Variants in ZFAND3 observed in about 807,000 individuals in gnomAD.
ZFAND3 encodes AN1-type zinc finger protein 3.
In ZFAND3, 10 loss-of-function variants were observed where a neutral mutation model predicts 29.6. The observed-to-expected ratio is 0.34, with a 90% CI of 0.21 to 0.57. The LOEUF (loss-of-function observed/expected upper bound fraction) is 0.57, where lower values mean the gene tolerates loss of function less well. Among genes scored for constraint, ZFAND3 ranks in the 20% least tolerant of loss-of-function variants. The pLI is 0.86. For synonymous variants in ZFAND3, 128 were observed against 112.6 expected, an observed-to-expected ratio of 1.14 and a Z score of -0.87; for missense variants, 230 against 304.5, an observed-to-expected ratio of 0.76 and a Z score of 1.82.
chr6:37,918,090 T>G (rs2127407706), intron 1 of ZFAND3, among the ~76,000 whole-genome samples: 2 of 152,312 alleles, frequency 1.3e-5, no homozygotes, highest in South Asian at 2.1e-4. Context: ...TGTTTTTGTT[T>G]TTTTGATATG....
chr6:38,082,509 A>G, intron 4 of ZFAND3, 52 bp downstream of exon 4: 1 of 1,557,736 alleles, frequency 6.4e-7, no homozygotes, highest in Non-Finnish European at 8.8e-7. Context: ...TCTTCACAGA[A>G]GTTAGCAACT....
Position 38,041,631 on chromosome 6 carries a change from T to TTTCTTCTTC in ZFAND3, c.113-19915_113-19907dup, listed in dbSNP as rs1193585476. On this transcript the variant is annotated intron_variant, in intron 2 of 5. Transcript: ENST00000287218. Reference sequence around the variant, plus strand: ...GTCACCACTGTTTTTTTATCTACTTTTTCTTCTTCTTCTTCTTCTTCTTCT... The same window carrying TTTCTTCTTC: ...GTCACCACTGTTTTTTTATCTACTTTTTCTTCTTCTTCTTCTTCTTCTTCTTCTTCTTCT... Among the ~76,000 whole-genome samples the TTTCTTCTTC allele has an allele frequency of 2.4e-3, 135 of 56,224 alleles. 20 individuals are homozygous for TTTCTTCTTC. The highest frequency in any genetic ancestry group is 3.9e-3 in the Non-Finnish European group (85 of 21,586). 36.9% of individuals were successfully genotyped at this position (56,224 alleles called of 152,430 possible).
chr6:38,112,713 A>G (rs1365382302), intron 4 of ZFAND3, among the ~76,000 whole-genome samples: 1 of 152,168 alleles, frequency 6.6e-6, no homozygotes, highest in Non-Finnish European at 1.5e-5. Flanking sequence ...AAACTTACAA[A>G]TGAATAGTTG....
intron 4 of ZFAND3, 124 bp downstream of exon 4, chr6:38,082,581 T>C (rs1214553577): frequency 1.2e-6 from 1 of 855,446 alleles, no homozygotes; most frequent in Non-Finnish European, 1.8e-6. Flanking sequence ...TGAGGTGATA[T>C]GTGCTTAGTA....
At chr6:37,835,762 A>G (rs1763956498) in intron 1 of ZFAND3, among the ~76,000 whole-genome samples, 1 of 152,110 alleles carries the variant, frequency 6.6e-6, no homozygotes, top group African/African-American at 2.4e-5. Context: ...TAACACAAAT[A>G]GCATACGACA....
intron 2 of ZFAND3, among the ~76,000 whole-genome samples, chr6:37,941,285 A>G (rs564989787): frequency 6.6e-6 from 1 of 152,230 alleles, no homozygotes; most frequent in South Asian, 2.1e-4. Flanking sequence ...AGCTAAATAG[A>G]TTAGTCGGGA....
At chr6:38,111,495 C>T (rs1469039004) in intron 4 of ZFAND3, among the ~76,000 whole-genome samples, 1 of 152,194 alleles carries the variant, frequency 6.6e-6, no homozygotes, top group African/African-American at 2.4e-5. Context: ...CCTTCTGCCT[C>T]TGCCATCCCA....
intron 1 of ZFAND3, among the ~76,000 whole-genome samples, chr6:37,914,662 C>CTTTTTTTTTATT (rs1327923079): frequency 1.6e-5 from 1 of 62,520 alleles, no homozygotes; most frequent in Non-Finnish European, 3.6e-5. Flanking sequence ...TTCTTTCTTT[C>CTTTTTTTTTATT]TTTTTTTTTC....
rs543141233 is a variant in ZFAND3 at position 38,075,471 on chromosome 6, C to T, written c.296-6921C>T. Among the ~76,000 whole-genome samples, 10 of 152,280 alleles carry T rather than the reference C, an allele frequency of 6.6e-5. No homozygotes were observed. The East Asian group carries it at 1.7e-3, about 26-fold the overall frequency. ...CCTGATGAGGTGACTGAATTGCAAT[C>T]TCATTATAAAACTTTAATGGATGAG... On this transcript the variant is annotated intron_variant, in intron 3 of 5. Coordinates refer to ENST00000287218, the MANE Select transcript of ZFAND3 (RefSeq NM_021943.3).
intron 1 of ZFAND3, among the ~76,000 whole-genome samples, chr6:37,905,420 T>C (rs1196396473): frequency 7.9e-5 from 12 of 152,132 alleles, no homozygotes; most frequent in Admixed American, 7.9e-4. Flanking sequence ...ACTTTGAAAT[T>C]TGGTGACAAT....
chr6:37,861,620 CTATTATGAAA>C (rs1317859520), intron 1 of ZFAND3, among the ~76,000 whole-genome samples: 3 of 152,170 alleles, frequency 2.0e-5, no homozygotes, highest in African/African-American at 7.2e-5. Context: ...GGGGTTAAAA[CTATTATGAAA>C]TATTATGAAA....
intron 4 of ZFAND3, among the ~76,000 whole-genome samples, chr6:38,111,928 A>G (rs2127482670): frequency 6.6e-6 from 1 of 152,344 alleles, no homozygotes; most frequent in South Asian, 2.1e-4. Context: ...GGACTTGAGC[A>G]TCTATGGAAT....
chr6:37,915,940 T>C lies in ZFAND3; in HGVS notation c.72-14019T>C, dbSNP rs550621975. Reference sequence around the variant, plus strand: ...ATGTGCCACCACGCCCAGCTAATTTTTTATTTTTAGTAGAGACAGGGTTTC... The same window carrying C: ...ATGTGCCACCACGCCCAGCTAATTTCTTATTTTTAGTAGAGACAGGGTTTC... On this transcript the variant is annotated intron_variant, in intron 1 of 5. Transcript: ENST00000287218. Among the ~76,000 whole-genome samples the C allele has an allele frequency of 7.2e-5, 11 of 152,194 alleles. 1 individual carries two copies. The East Asian group carries it at 2.1e-3, about 29-fold the overall frequency.
chr6:38,036,484 G>C (rs1298605535), intron 2 of ZFAND3, among the ~76,000 whole-genome samples: 1 of 152,156 alleles, frequency 6.6e-6, no homozygotes, highest in African/African-American at 2.4e-5. Context: ...AGAAAAACTA[G>C]AAAGTGTGAC....
At chr6:38,043,944 A>G (rs1343956620) in intron 2 of ZFAND3, among the ~76,000 whole-genome samples, 1 of 152,118 alleles carries the variant, frequency 6.6e-6, no homozygotes. Context: ...CGCCTAGCCC[A>G]AGTAGATTAT....
chr6:37,912,759 A>C (rs1217579736), intron 1 of ZFAND3, among the ~76,000 whole-genome samples: 1 of 152,242 alleles, frequency 6.6e-6, no homozygotes, highest in Non-Finnish European at 1.5e-5. Flanking sequence ...AAACTGTTTG[A>C]AAAACTAGTA....
At chr6:37,979,397 A>G (rs1358577644) in intron 2 of ZFAND3, among the ~76,000 whole-genome samples, 3 of 152,126 alleles carry the variant, frequency 2.0e-5, no homozygotes, top group East Asian at 3.8e-4. Context: ...GGTGCCATGT[A>G]TTTCTGTAAA....
intron 4 of ZFAND3, among the ~76,000 whole-genome samples, chr6:38,101,288 C>T (rs996466205): frequency 1.3e-5 from 2 of 152,164 alleles, no homozygotes; most frequent in Non-Finnish European, 2.9e-5. Context: ...CTTTCTTCAG[C>T]TCTCTTAAAC....
At chr6:37,856,590 T>C (rs571205944) in intron 1 of ZFAND3, among the ~76,000 whole-genome samples, 45 of 152,344 alleles carry the variant, frequency 3.0e-4, no homozygotes, top group African/African-American at 1.1e-3. Context: ...GTGTATGGTT[T>C]GTATTTACTT....
Sources: allele counts gnomAD v4.1 joint callset (sites outside exome capture counted in the v4.1 genomes callset), GRCh38; gene constraint gnomAD v4.1.1; transcripts MANE v1.5; gene names NCBI Gene and HGNC (gene_info 2026-07-23, HGNC 2026-07-21).